COP1: variants seen among roughly 807,000 people sequenced by gnomAD.
COP1 encodes E3 ubiquitin-protein ligase COP1.
Under a neutral mutation model 101.3 loss-of-function variants are expected in COP1, and 24 were observed. The observed-to-expected ratio is 0.24, with a 90% CI of 0.17 to 0.33. The LOEUF is 0.33. Among genes scored for constraint, COP1 ranks in the 10% least tolerant of loss-of-function variants. The pLI, the probability that COP1 is intolerant of heterozygous loss-of-function variation, is 1.00. For synonymous variants in COP1, 347 were observed against 341.9 expected (o/e 1.01, Z -0.17); for missense variants, 663 against 906.2 (o/e 0.73, Z 3.45).
At chr1:176,025,174 T>C (rs1192240782) in intron 15 of COP1, among the ~76,000 whole-genome samples, 3 of 152,192 alleles carry the variant, frequency 2.0e-5, no homozygotes, top group East Asian at 3.9e-4. Flanking sequence ...AATAATAAAA[T>C]ATTTTTCAAA....
chr1:176,021,624 T>C (rs544378999), intron 15 of COP1, among the ~76,000 whole-genome samples: 47 of 152,336 alleles, frequency 3.1e-4, no homozygotes, highest in Non-Finnish European at 5.7e-4. Context: ...AATAAATAAA[T>C]TGATTTATCT....
chr1:175,965,976 A>G (rs1387881125), intron 18 of COP1, among the ~76,000 whole-genome samples: 1 of 152,138 alleles, frequency 6.6e-6, no homozygotes, highest in Non-Finnish European at 1.5e-5. Flanking sequence ...GCATTTTGAA[A>G]CCAAGTGAGA....
chr1:176,015,781 A>G (rs928806292), intron 15 of COP1, among the ~76,000 whole-genome samples: 4 of 152,172 alleles, frequency 2.6e-5, no homozygotes, highest in Non-Finnish European at 5.9e-5. Flanking sequence ...TAGATCAATT[A>G]ATTTAGTAAT....
intron 9 of COP1, among the ~76,000 whole-genome samples, chr1:176,115,672 C>G (rs113315470): frequency 6.6e-6 from 1 of 151,324 alleles, no homozygotes; most frequent in Admixed American, 6.6e-5. Flanking sequence ...TCACTTGAAC[C>G]CAGGAGGAGG....
intron 3 of COP1, among the ~76,000 whole-genome samples, chr1:176,169,423 A>C (rs1238879579): frequency 6.6e-6 from 1 of 152,154 alleles, no homozygotes; most frequent in Non-Finnish European, 1.5e-5. Context: ...AGTTCAAAAA[A>C]AACTTTTAAG....
At chr1:176,168,141 TC>T (rs1237762268) in intron 3 of COP1, among the ~76,000 whole-genome samples, 1 of 151,302 alleles carries the variant, frequency 6.6e-6, no homozygotes, top group Non-Finnish European at 1.5e-5. Context: ...CACCGCAACC[TC>T]CGCCTCCTGG....
intron 15 of COP1, among the ~76,000 whole-genome samples, chr1:176,017,987 G>T (rs1169913806): frequency 6.6e-6 from 1 of 152,124 alleles, no homozygotes; most frequent in Non-Finnish European, 1.5e-5. Context: ...GAATACTTTA[G>T]AAGTATTTCC....
At chr1:176,188,285 G>A (rs1192470638) in intron 1 of COP1, among the ~76,000 whole-genome samples, 1 of 152,054 alleles carries the variant, frequency 6.6e-6, no homozygotes, top group Non-Finnish European at 1.5e-5. Flanking sequence ...ATAGAATAAA[G>A]AAAGAAGGGC....
intron 6 of COP1, among the ~76,000 whole-genome samples, chr1:176,144,339 A>G (rs1263361844): frequency 6.6e-6 from 1 of 152,200 alleles, no homozygotes; most frequent in Non-Finnish European, 1.5e-5. Flanking sequence ...TTAGAGACAC[A>G]GACATCATTT....
chr1:176,021,839 G>A (rs142064140), intron 15 of COP1, among the ~76,000 whole-genome samples: 130 of 152,214 alleles, frequency 8.5e-4, no homozygotes, highest in Middle Eastern at 3.4e-3. Flanking sequence ...AAAAAGAGAA[G>A]CATAAAAAAT....
intron 18 of COP1, among the ~76,000 whole-genome samples, chr1:175,986,523 C>T (rs905089292): frequency 2.0e-5 from 3 of 150,482 alleles, no homozygotes; most frequent in African/African-American, 4.8e-5. Flanking sequence ...CCATATAGGC[C>T]ACTATCCTTT....
At chr1:176,036,369 T>G (rs1669542598) in intron 14 of COP1, among the ~76,000 whole-genome samples, 1 of 151,090 alleles carries the variant, frequency 6.6e-6, no homozygotes. Flanking sequence ...TTTGAAAAGA[T>G]TAAGAACCTA....
At chr1:175,970,467 T>G (rs1653022008) in intron 18 of COP1, among the ~76,000 whole-genome samples, 1 of 152,156 alleles carries the variant, frequency 6.6e-6, no homozygotes, top group Admixed American at 6.5e-5. Flanking sequence ...TATATTAGAT[T>G]ATTGAAAATC....
chr1:176,137,567 A>G (rs1690006913), intron 6 of COP1, among the ~76,000 whole-genome samples: 1 of 152,198 alleles, frequency 6.6e-6, no homozygotes, highest in Admixed American at 6.6e-5. Context: ...ACTGATTGCC[A>G]GATGTGAAAA....
rs1649287371 is a variant in COP1 at position 175,947,230 on chromosome 1, C to T, written c.2143G>A (p.Val715Met). ...CCCTGACTGTTAGCAGCAATCAGCA[C>T]ATTGGACTCCTAGAAAAGAACAAGA... ...WRALPDGESN[V>M]LIAANSQGTI... Residue 715 changes from valine (V) to methionine (M), a missense_variant, in exon 19 of 20, where the codon GTG becomes ATG. Coordinates refer to ENST00000367669, the MANE Select transcript of COP1 (RefSeq NM_022457.7). 6.2e-7 allele frequency: 1 copy of T among 1,607,854 alleles called. No individual in the cohort carries two copies. Among genetic ancestry groups the T allele is most frequent in the Admixed American group, 1.7e-5 (1 of 59,980 alleles).
intron 1 of COP1, among the ~76,000 whole-genome samples, chr1:176,197,970 G>A (rs1699874121): frequency 6.6e-6 from 1 of 152,066 alleles, no homozygotes; most frequent in Non-Finnish European, 1.5e-5. Context: ...AACCTCAACT[G>A]AAAAGCATAA....
At chr1:176,163,103 T>C (rs1694583524) in intron 4 of COP1, 115 bp from the exon 5 acceptor site, 1 of 1,036,886 alleles carries the variant, frequency 9.6e-7, no homozygotes, top group Admixed American at 3.3e-5. Flanking sequence ...ATCGAAAATA[T>C]ATTATAATGT....
At chr1:176,108,134 A>G (rs1684647235) in intron 9 of COP1, among the ~76,000 whole-genome samples, 1 of 152,102 alleles carries the variant, frequency 6.6e-6, no homozygotes, top group Non-Finnish European at 1.5e-5. Context: ...AGATACATCA[A>G]TTTTTTAATT....
chr1:176,151,587 A>ACC (rs1287446884), intron 5 of COP1, among the ~76,000 whole-genome samples: 1 of 152,078 alleles, frequency 6.6e-6, no homozygotes, highest in Non-Finnish European at 1.5e-5. Flanking sequence ...TTATTTTCCT[A>ACC]CCCTTCTCTG....
Sources: allele counts gnomAD v4.1 joint callset (sites outside exome capture counted in the v4.1 genomes callset), GRCh38; gene constraint gnomAD v4.1.1; transcripts MANE v1.5; gene names NCBI Gene and HGNC (gene_info 2026-07-23, HGNC 2026-07-21).